The following SGMS1 variants were observed in gnomAD, a reference collection of about 807,000 sequenced individuals.
SGMS1 encodes phosphatidylcholine:ceramide cholinephosphotransferase 1.
In SGMS1, 13 loss-of-function variants were observed where a neutral mutation model predicts 46.2. The ratio of observed to expected loss-of-function variants is 0.28; its 90% CI spans 0.18 to 0.45. The LOEUF (loss-of-function observed/expected upper bound fraction) is 0.45. Among genes scored for constraint, SGMS1 ranks in the 20% least tolerant of loss-of-function variants. SGMS1 has a pLI of 1.00. For synonymous variants in SGMS1, 203 were observed against 187.8 expected, an observed-to-expected ratio of 1.08 and a Z score of -0.66; for missense variants, 324 against 519.9, an observed-to-expected ratio of 0.62 and a Z score of 3.66.
chr10:50,463,281 G>A (rs143715563), intron 4 of SGMS1, among the ~76,000 whole-genome samples: 36 of 152,208 alleles, frequency 2.4e-4, no homozygotes, highest in African/African-American at 8.4e-4. Context: ...CTGACAAAGT[G>A]TTAATATCCA....
At chr10:50,427,280 T>C (rs1314079841) in intron 6 of SGMS1, among the ~76,000 whole-genome samples, 19 of 152,076 alleles carry the variant, frequency 1.2e-4, no homozygotes. Flanking sequence ...GCGCCTGTAG[T>C]CCCAGCTACT....
At chr10:50,519,490 T>A (rs1314995018) in intron 3 of SGMS1, among the ~76,000 whole-genome samples, 1 of 152,208 alleles carries the variant, frequency 6.6e-6, no homozygotes, top group South Asian at 2.1e-4. Flanking sequence ...CTACCTGGTT[T>A]ATGTGACTTC....
intron 2 of SGMS1, among the ~76,000 whole-genome samples, chr10:50,587,629 A>G (rs1838497480): frequency 1.3e-5 from 1 of 78,914 alleles, no homozygotes; most frequent in African/African-American, 3.7e-5. Context: ...ATCTCAAAAT[A>G]TATATGTGTG....
intron 1 of SGMS1, among the ~76,000 whole-genome samples, chr10:50,596,169 A>G (rs1407373713): frequency 7.0e-6 from 1 of 142,270 alleles, no homozygotes; most frequent in East Asian, 2.2e-4. Context: ...TCTTACTTGT[A>G]TCACGATTTT....
At chr10:50,449,935 A>G (rs1837083004) in intron 5 of SGMS1, among the ~76,000 whole-genome samples, 1 of 152,126 alleles carries the variant, frequency 6.6e-6, no homozygotes, top group Admixed American at 6.5e-5. Context: ...AGTGTCACTA[A>G]AAATCCACAG....
intron 2 of SGMS1, among the ~76,000 whole-genome samples, chr10:50,543,044 C>A (rs967857341): frequency 6.6e-6 from 1 of 152,076 alleles, no homozygotes; most frequent in Non-Finnish European, 1.5e-5. Flanking sequence ...ATTAGGCATC[C>A]ACATCTGATC....
chr10:50,486,722 T>A (rs933286110), intron 3 of SGMS1, among the ~76,000 whole-genome samples: 2 of 152,226 alleles, frequency 1.3e-5, no homozygotes, highest in Non-Finnish European at 2.9e-5. Context: ...GAATGTAAAT[T>A]CATTCAACCA....
At chr10:50,414,484 A>G (rs1390734770) in intron 6 of SGMS1, among the ~76,000 whole-genome samples, 2 of 152,256 alleles carry the variant, frequency 1.3e-5, no homozygotes, top group Non-Finnish European at 2.9e-5. Context: ...AGTAGTAGTG[A>G]CAGTAGTTAA....
At chr10:50,611,131 T>G (rs367958501) in intron 1 of SGMS1, among the ~76,000 whole-genome samples, 7 of 152,292 alleles carry the variant, frequency 4.6e-5, no homozygotes, top group African/African-American at 1.4e-4. Context: ...GTACAGATAG[T>G]GCCTGTGCAA....
chr10:50,618,307 T>C (rs983415505), intron 1 of SGMS1, among the ~76,000 whole-genome samples: 4 of 152,070 alleles, frequency 2.6e-5, no homozygotes, highest in African/African-American at 4.8e-5. Flanking sequence ...TAAGGAAAAA[T>C]ATCTTATACT....
chr10:50,414,208 C>A (rs573239443), intron 6 of SGMS1, among the ~76,000 whole-genome samples: 1 of 152,256 alleles, frequency 6.6e-6, no homozygotes, highest in East Asian at 1.9e-4. Flanking sequence ...GAGTTCGAGA[C>A]CAACCTAGGC....
intron 3 of SGMS1, among the ~76,000 whole-genome samples, chr10:50,478,224 C>G (rs2133713794): frequency 6.6e-6 from 1 of 152,236 alleles, no homozygotes. Context: ...GCTAAAAACA[C>G]AGTCAGATCC....
intron 8 of SGMS1, among the ~76,000 whole-genome samples, chr10:50,316,191 A>G (rs756326292): frequency 2.0e-5 from 3 of 152,234 alleles, no homozygotes; most frequent in African/African-American, 7.2e-5. Flanking sequence ...GGTAACCTAG[A>G]ACTAAAACCC....
intron 3 of SGMS1, among the ~76,000 whole-genome samples, chr10:50,473,229 C>A (rs1434669528): frequency 1.3e-5 from 2 of 152,146 alleles, no homozygotes; most frequent in African/African-American, 4.8e-5. Context: ...ATACTCTCTC[C>A]CTAATAGTCA....
At chr10:50,485,656 T>C (rs1012060900) in intron 3 of SGMS1, among the ~76,000 whole-genome samples, 1 of 152,118 alleles carries the variant, frequency 6.6e-6, no homozygotes, top group Non-Finnish European at 1.5e-5. Flanking sequence ...TCCCAGCACT[T>C]TGGGAGGCCA....
intron 2 of SGMS1, among the ~76,000 whole-genome samples, chr10:50,583,391 C>T (rs1838453105): frequency 6.6e-6 from 1 of 152,204 alleles, no homozygotes; most frequent in Admixed American, 6.5e-5. Flanking sequence ...TTGGAGGGAA[C>T]CATTCCCAGC....
At chr10:50,408,453 A>AT (rs1407262368) in intron 6 of SGMS1, among the ~76,000 whole-genome samples, 3 of 148,698 alleles carry the variant, frequency 2.0e-5, no homozygotes, top group Admixed American at 6.7e-5. Flanking sequence ...AAAAAAAAAA[A>AT]AACAAAATAA....
At chr10:50,515,964 C>T (rs1026395019) in intron 3 of SGMS1, among the ~76,000 whole-genome samples, 2 of 152,160 alleles carry the variant, frequency 1.3e-5, no homozygotes, top group African/African-American at 2.4e-5. Context: ...GTTTTCAGTG[C>T]CTGTCTTTCC....
chr10:50,483,251 TG>T (rs1484251380), intron 3 of SGMS1, among the ~76,000 whole-genome samples: 4 of 152,142 alleles, frequency 2.6e-5, no homozygotes, highest in African/African-American at 9.7e-5. Flanking sequence ...GGCTAATTTT[TG>T]TATTTTTAGT....
Sources: allele counts gnomAD v4.1 joint callset (sites outside exome capture counted in the v4.1 genomes callset), GRCh38; gene constraint gnomAD v4.1.1; transcripts MANE v1.5; gene names NCBI Gene and HGNC (gene_info 2026-07-23, HGNC 2026-07-21).